ACTN2: variants seen among roughly 807,000 people sequenced by gnomAD.
ACTN2 encodes the protein alpha-actinin-2.
In ACTN2, 39 loss-of-function variants were observed where a neutral mutation model predicts 113.8. That is an observed-to-expected ratio of 0.34 (90% CI 0.27 to 0.45). The LOEUF is 0.45. Among genes scored for constraint, ACTN2 ranks in the 20% least tolerant of loss-of-function variants. The pLI, the probability that ACTN2 is intolerant of heterozygous loss-of-function variation, is 1.00. For synonymous variants in ACTN2, 429 were observed against 444.1 expected (o/e 0.97, Z 0.43); for missense variants, 992 against 1,177.9 (o/e 0.84, Z 2.31).
At chr1:236,728,699 T>C (rs1217137629) in intron 6 of ACTN2, among the ~76,000 whole-genome samples, 3 of 152,132 alleles carry the variant, frequency 2.0e-5, no homozygotes, top group Non-Finnish European at 4.4e-5. Context: ...TTTAGTGTGT[T>C]TAAGTCTCAG....
intron 10 of ACTN2, 134 bp downstream of exon 10, chr1:236,739,666 T>C: frequency 9.3e-7 from 1 of 1,071,972 alleles, no homozygotes; most frequent in Non-Finnish European, 1.4e-6. Flanking sequence ...TTTGGCCCTG[T>C]AACCACTTTG....
In ACTN2 at chr1:236,731,280, G is replaced by C; in HGVS notation, c.663G>C (p.Lys221Asn). The change falls in exon 7 of 21, where the codon AAG (lysine) becomes AAC (asparagine). Residue 221 changes from lysine (K) to asparagine (N), a missense_variant. By Grantham distance (94) the Lys-to-Asn change is moderately conservative (BLOSUM62 0). Coordinates refer to ENST00000366578, the MANE Select transcript of ACTN2 (RefSeq NM_001103.4). Reference sequence around the variant, plus strand: ...ACCTGGCCATGGAAATCGCTGAGAAGCACCTGGATATTCCTAAAATGTTGG... The same window carrying C: ...ACCTGGCCATGGAAATCGCTGAGAACCACCTGGATATTCCTAAAATGTTGG... ...NINLAMEIAEKHLDIPKMLDA... is the reference protein window; with the variant it reads ...NINLAMEIAENHLDIPKMLDA... 6.2e-7 allele frequency: 1 copy of C among 1,613,898 alleles called. No homozygotes were observed. The highest frequency in any genetic ancestry group is 2.2e-5 in the East Asian group (1 of 44,854).
At chr1:236,753,877 C>A in intron 15 of ACTN2, 70 bp from the exon 16 acceptor site, 3 of 891,502 alleles carry the variant, frequency 3.4e-6, no homozygotes, top group Non-Finnish European at 5.2e-6. Context: ...TGGACTATTC[C>A]CGCATTCTGT....
At chr1:236,711,035 C>T (rs1387154208) in intron 1 of ACTN2, among the ~76,000 whole-genome samples, 1 of 152,218 alleles carries the variant, frequency 6.6e-6, no homozygotes, top group African/African-American at 2.4e-5. Context: ...TCAGTCCTTA[C>T]ACTTGAAAGC....
intron 2 of ACTN2, 139 bp from the exon 3 acceptor site, chr1:236,718,755 G>A (rs1258767312): frequency 8.2e-7 from 1 of 1,214,264 alleles, no homozygotes; most frequent in Non-Finnish European, 1.2e-6. Context: ...CTGTGATTTA[G>A]AGAGACCAGG....
At chr1:236,701,584 G>A (rs932574271) in intron 1 of ACTN2, among the ~76,000 whole-genome samples, 4 of 152,128 alleles carry the variant, frequency 2.6e-5, no homozygotes, top group African/African-American at 9.7e-5. Flanking sequence ...TATATGCTAT[G>A]TATATGGTTT....
chr1:236,747,965 C>G (rs1384828850), intron 13 of ACTN2, 190 bp downstream of exon 13: 1 of 600,108 alleles, frequency 1.7e-6, no homozygotes, highest in African/African-American at 1.9e-5. Flanking sequence ...TGTAATTTAT[C>G]CAGACAGCAG....
intron 9 of ACTN2, 57 bp from the exon 10 acceptor site, chr1:236,739,245 A>G: frequency 1.9e-6 from 3 of 1,542,400 alleles, no homozygotes; most frequent in East Asian, 2.3e-5. Context: ...TTTTTTTTTT[A>G]ACTGGGGGAG....
Position 236,745,295 on chromosome 1 carries a change from C to G in ACTN2, c.1406+519C>G, listed in dbSNP as rs1370507331. ...TAAAAATGCAAAAAATTAGCCGGGCCTGGTGGCGGGTGCCTGTAGTCCCAG... is the reference window on the plus strand; with the variant it reads ...TAAAAATGCAAAAAATTAGCCGGGCGTGGTGGCGGGTGCCTGTAGTCCCAG... On this transcript the variant is annotated intron_variant, in intron 12 of 20. Coordinates refer to ENST00000366578, the MANE Select transcript of ACTN2 (RefSeq NM_001103.4). 7.2e-5 allele frequency among the ~76,000 whole-genome samples: 11 copies of G among 152,044 alleles called. No homozygotes were observed. In the East Asian group the frequency reaches 7.8e-4, roughly 11 times the overall value.
At chr1:236,747,802 A>T (rs764598255) in intron 13 of ACTN2, 27 bp downstream of exon 13, 1 of 1,535,448 alleles carries the variant, frequency 6.5e-7, no homozygotes, top group Admixed American at 1.7e-5. Flanking sequence ...ACTTGTTGAC[A>T]TGAAATCTTT....
Position 236,763,491 on chromosome 1 carries a change from G to A in ACTN2, c.*872G>A, listed in dbSNP as rs1659767890. 1 of 152,240 alleles carries A rather than the reference G, an allele frequency of 6.6e-6. No homozygotes were observed. Among genetic ancestry groups the A allele is most frequent in the South Asian group, 2.1e-4 (1 of 4,834 alleles). 9.4% of individuals were successfully genotyped at this position (152,240 alleles called of 1,614,324 possible). On this transcript the variant is annotated 3_prime_UTR_variant, in exon 21 of 21. Transcript: ENST00000366578. ...TCTGTTTATAAATAAGCAGGTTTCT[G>A]TAGTACTGACTGGTTCATCACAAGG...
At chr1:236,725,322 C>T (rs987773358) in intron 4 of ACTN2, among the ~76,000 whole-genome samples, 46 of 152,138 alleles carry the variant, frequency 3.0e-4, no homozygotes, top group African/African-American at 9.4e-4. Context: ...ATGGGGTATA[C>T]ACAGTTTTTA....
intron 1 of ACTN2, 32 bp downstream of exon 1, chr1:236,686,831 G>C (rs779469857): frequency 6.3e-6 from 9 of 1,425,288 alleles, no homozygotes; most frequent in Non-Finnish European, 8.3e-6. Flanking sequence ...GCCCGCGCGT[G>C]GTGGGGCCGG....
chr1:236,711,142 C>T (rs1210442622), intron 1 of ACTN2, among the ~76,000 whole-genome samples: 1 of 152,206 alleles, frequency 6.6e-6, no homozygotes, highest in Non-Finnish European at 1.5e-5. Context: ...CATCTGCACC[C>T]ACTGACTGCC....
intron 1 of ACTN2, among the ~76,000 whole-genome samples, chr1:236,711,765 A>C (rs1438166182): frequency 1.3e-5 from 2 of 152,146 alleles, no homozygotes; most frequent in Admixed American, 1.3e-4. Flanking sequence ...GGGATGCTGA[A>C]AGTGTTTATA....
chr1:236,700,244 A>G (rs906850111), intron 1 of ACTN2, among the ~76,000 whole-genome samples: 2 of 152,114 alleles, frequency 1.3e-5, no homozygotes, highest in African/African-American at 4.8e-5. Context: ...GTGCAGTGGC[A>G]CCATCTCGGC....
chr1:236,754,997 C>T lies in ACTN2; in HGVS notation c.1975-22C>T. On this transcript the variant is annotated intron_variant, in intron 16 of 20. Coordinates refer to ENST00000366578, the MANE Select transcript of ACTN2 (RefSeq NM_001103.4). The surrounding 1 kb of genome is among the most constrained non-coding windows in gnomAD (Gnocchi z 4.9). ...GCACTTCACTCTGCTTCTCTCTCTG[C>T]TTGCTCACTCGCCCCCCTCAGGAGA... 1.2e-6 allele frequency: 2 copies of T among 1,614,122 alleles called. No individual in the cohort carries two copies. The highest frequency in any genetic ancestry group is 1.7e-6 in the Non-Finnish European group (2 of 1,180,006).
intron 1 of ACTN2, among the ~76,000 whole-genome samples, chr1:236,701,348 A>G (rs1320629631): frequency 2.0e-5 from 3 of 152,012 alleles, no homozygotes; most frequent in African/African-American, 4.8e-5. Context: ...ACATTGGTGA[A>G]GTGAGATTTT....
chr1:236,755,688 G>A (rs1287734557), intron 17 of ACTN2, among the ~76,000 whole-genome samples: 1 of 143,714 alleles, frequency 7.0e-6, no homozygotes, highest in African/African-American at 2.6e-5. Flanking sequence ...AGTATATACT[G>A]CAGAGGGCCC....
Sources: gnomAD v4.1 joint callset for allele counts (sites outside exome capture counted in the v4.1 genomes callset) on GRCh38, gnomAD v4.1.1 for gene constraint, Gnocchi (gnomAD v3.1) non-coding constraint, MANE v1.5 for transcripts, NCBI Gene and HGNC (gene_info 2026-07-23, HGNC 2026-07-21) for gene names.